Variants in ATF6B observed in about 807,000 individuals in gnomAD.
The protein encoded by ATF6B is activating transcription factor 6 beta, also known as cyclic AMP-dependent transcription factor ATF-6 beta.
A neutral mutation model predicts 83.5 loss-of-function variants in ATF6B; 50 were observed. The observed-to-expected ratio is 0.60, with a 90% CI of 0.48 to 0.76. The LOEUF is 0.76. ATF6B is among the 30% of genes least tolerant of loss of function. The pLI, the probability that ATF6B is intolerant of heterozygous loss-of-function variation, is 0.00. For missense variants in ATF6B, 790 were observed against 893.8 expected (o/e 0.88, Z 1.48); for synonymous variants, 344 against 362.8 (o/e 0.95, Z 0.59).
At chr6:32,122,789 C>A (rs1469139027) in intron 5 of ATF6B, among the ~76,000 whole-genome samples, 1 of 146,714 alleles carries the variant, frequency 6.8e-6, no homozygotes, top group African/African-American at 2.5e-5. Context: ...GCGGAGCTTG[C>A]AGTGAGCCGA....
At position 32,116,051 on chromosome 6, in the gene ATF6B, A is replaced by C. The variant is rs1781518414; in HGVS notation, c.1883-83T>G. 2 of 1,004,008 alleles carry C rather than the reference A, an allele frequency of 2.0e-6. No individual in the cohort carries two copies. The highest frequency in any genetic ancestry group is 3.0e-6 in the Non-Finnish European group (2 of 676,570). The allele number at this position is 1,004,008 out of a possible 1,614,324, so 62.2% of individuals were successfully genotyped here. On this transcript the variant is annotated intron_variant, in intron 17 of 17. Transcript: ENST00000375203. This position sits in a 1 kb window ranked among gnomAD's most constrained non-coding sequence, Gnocchi z 5.1. ...GAGGAGGGGAGGAGGTCAGAAAAGT[A>C]GAGGTGAGCAGAGAGAAAAAGAAAG...
At position 32,121,321 on chromosome 6, in the gene ATF6B, G is replaced by A. The variant is rs1781758471; in HGVS notation, c.506C>T (p.Ser169Phe). The A allele has an allele frequency of 1.1e-5, 18 of 1,614,106 alleles. No individual in the cohort carries two copies. Among genetic ancestry groups the A allele is most frequent in the Non-Finnish European group, 1.5e-5 (18 of 1,180,036 alleles). ...SDVQTKIEPV[S>F]PCSSVNSEAS... ...CTCAGAGTTGACGGAAGAACATGGA[G>A]AGACAGGTTCTATCTTGGTCTGGAC... The change falls in exon 6 of 18, where the codon TCT becomes TTT. Residue 169 changes from serine (S) to phenylalanine (F), a missense_variant. Physicochemically the swap from Ser to Phe is radical, Grantham distance 155. Around this residue, in one of 3 missense-constraint regions of ATF6B, gnomAD observed 253 missense variants for 243.1 expected, o/e 1.04. Coordinates refer to ENST00000375203, the MANE Select transcript of ATF6B (RefSeq NM_004381.5).
At chr6:32,120,454 CTT>C (rs1201008710) in intron 8 of ATF6B, 110 of 131,530 alleles carry the variant, frequency 8.4e-4, no homozygotes, top group East Asian at 1.7e-3. Flanking sequence ...TTTCTTTTTT[CTT>C]TTTTTTTTTT....
At chr6:32,126,044 C>T (rs1266379921) in intron 5 of ATF6B, 73 bp downstream of exon 5, 2 of 1,575,060 alleles carry the variant, frequency 1.3e-6, no homozygotes, top group Non-Finnish European at 1.7e-6. Context: ...CCTCCATCTA[C>T]ACACATACAC....
In ATF6B at chr6:32,118,545, G is replaced by A. The variant is rs528365775; in HGVS notation, c.1244+230C>T. 7.2e-5 allele frequency among the ~76,000 whole-genome samples: 11 copies of A among 152,280 alleles called. No homozygotes were observed. In the East Asian group the frequency reaches 1.5e-3, roughly 21 times the overall value. On this transcript the variant is annotated intron_variant, in intron 11 of 17. Coordinates refer to ENST00000375203, the MANE Select transcript of ATF6B (RefSeq NM_004381.5). This position sits in a 1 kb window ranked among gnomAD's most constrained non-coding sequence, Gnocchi z 5.2. The stretch of plus-strand genomic sequence containing the variant: ...CAGGAAGCAGAGGTTGCAGTGAGCC[G>A]AGATCGTGCCACTGCACTCCAGCCT...
rs1781480901 is a variant in ATF6B at position 32,115,534 on chromosome 6, T to A, written c.*205A>T. 1 of 462,134 alleles carries A rather than the reference T, an allele frequency of 2.2e-6. No homozygotes were observed. The highest frequency in any genetic ancestry group is 6.0e-5 in the South Asian group (1 of 16,562). 28.6% of individuals were successfully genotyped at this position (462,134 alleles called of 1,614,324 possible). A position where few individuals can be genotyped will look rare whatever the true frequency, so the allele number is the denominator to read the frequency against. Reference sequence around the variant, plus strand: ...CAAACAAAGAAGCCAGGACTGGGGGTTCACAGGAATGAGAGGAGCCCTATA... The same window carrying A: ...CAAACAAAGAAGCCAGGACTGGGGGATCACAGGAATGAGAGGAGCCCTATA... On this transcript the variant is annotated 3_prime_UTR_variant, in exon 18 of 18. Transcript: ENST00000375203.
chr6:32,120,984 A>G lies in ATF6B; in HGVS notation c.700+5T>C. The G allele has an allele frequency of 6.6e-7, 1 of 1,520,574 alleles. No homozygotes were observed. The highest frequency in any genetic ancestry group is 8.8e-7 in the Non-Finnish European group (1 of 1,135,554). 94.2% of individuals were successfully genotyped at this position (1,520,574 alleles called of 1,614,324 possible). ...GGGATTCCAAGTGTCAGGAGACTCC[A>G]TTACCTGAGGAGCCATCAAGGGATG... On this transcript the variant is annotated splice_donor_5th_base_variant and intron_variant, in intron 7 of 17. Transcript: ENST00000375203.
intron 5 of ATF6B, 33 bp downstream of exon 5, chr6:32,126,083 AG>A: frequency 6.2e-7 from 1 of 1,613,546 alleles, no homozygotes; most frequent in Non-Finnish European, 8.5e-7. Flanking sequence ...CTCCCGTAGT[AG>A]AGCCAAGGAT....
intron 4 of ATF6B, 102 bp downstream of exon 4, chr6:32,127,001 C>G (rs1782006484): frequency 9.1e-7 from 1 of 1,101,428 alleles, no homozygotes; most frequent in Non-Finnish European, 1.3e-6. Flanking sequence ...CCTCATGACT[C>G]ATAGCACACA....
chr6:32,122,553 A>C (rs538521886), intron 5 of ATF6B, among the ~76,000 whole-genome samples: 1 of 150,292 alleles, frequency 6.7e-6, no homozygotes, highest in South Asian at 2.1e-4. Context: ...AAATTAAGTC[A>C]AAAAAAAAAT....
intron 5 of ATF6B, among the ~76,000 whole-genome samples, chr6:32,124,807 A>G (rs1781901348): frequency 6.6e-6 from 1 of 151,694 alleles, no homozygotes; most frequent in South Asian, 2.1e-4. Context: ...GCCAATGTGG[A>G]TGAAATGTCC....
chr6:32,117,456 C>T lies in ATF6B; in HGVS notation c.1533-52G>A, dbSNP rs770838892. ...TCCATGCCAGGCCAAGATTCCCACCCTCCTTGCCCACCCACAGGAGTGAGG... is the reference window on the plus strand; with the variant it reads ...TCCATGCCAGGCCAAGATTCCCACCTTCCTTGCCCACCCACAGGAGTGAGG... On this transcript the variant is annotated intron_variant, in intron 13 of 17. Transcript: ENST00000375203. The surrounding 1 kb of genome is among the most constrained non-coding windows in gnomAD (Gnocchi z 5.0). 1.7e-5 allele frequency: 28 copies of T among 1,605,846 alleles called. No homozygotes were observed. The highest frequency in any genetic ancestry group is 5.3e-5 in the African/African-American group (4 of 74,808).
rs768090747 is a variant in ATF6B, at chr6:32,116,459, A to T, written c.1882+21T>A. 3.0e-5 allele frequency: 48 copies of T among 1,604,336 alleles called. No homozygotes were observed. The highest frequency in any genetic ancestry group is 3.9e-5 in the Non-Finnish European group (46 of 1,173,686). Reference sequence around the variant, plus strand: ...ATCTCCCTGTTGGAACTGCCCCCATACCCAGCAGGGAAAGAGTTACCATTG... The same window carrying T: ...ATCTCCCTGTTGGAACTGCCCCCATTCCCAGCAGGGAAAGAGTTACCATTG... On this transcript the variant is annotated intron_variant, in intron 17 of 17. Coordinates refer to ENST00000375203, the MANE Select transcript of ATF6B (RefSeq NM_004381.5). The surrounding 1 kb of genome is among the most constrained non-coding windows in gnomAD (Gnocchi z 5.1).
rs1781519411 is a variant in ATF6B, at chr6:32,116,075, A to G, written c.1883-107T>C. 1.2e-6 allele frequency: 1 copy of G among 810,944 alleles called. No homozygotes were observed. The highest frequency in any genetic ancestry group is 2.5e-5 in the Admixed American group (1 of 39,990). 50.2% of individuals were successfully genotyped at this position (810,944 alleles called of 1,614,324 possible). ...TAGAGGTGAGCAGAGAGAAAAAGAA[A>G]GGGCAATAGTGAGGAGGCAGATCCA... On this transcript the variant is annotated intron_variant, in intron 17 of 17. Transcript: ENST00000375203. The surrounding 1 kb of genome is among the most constrained non-coding windows in gnomAD (Gnocchi z 5.1).
chr6:32,118,075 T>A lies in ATF6B; in HGVS notation c.1245-37A>T. On this transcript the variant is annotated intron_variant, in intron 11 of 17. Transcript: ENST00000375203. The surrounding 1 kb of genome is among the most constrained non-coding windows in gnomAD (Gnocchi z 5.2). ...GAAGGACTGAGCACAATGAAGAATT[T>A]CAGCTGTATCAAGTATCTAGGTAAG... 1 of 1,612,536 alleles carries A rather than the reference T, an allele frequency of 6.2e-7. No homozygotes were observed. The highest frequency in any genetic ancestry group is 8.5e-7 in the Non-Finnish European group (1 of 1,178,804).
rs779089544 is a variant in ATF6B, at chr6:32,121,110, C to T, written c.579G>A (p.Glu193=). The T allele has an allele frequency of 6.3e-7, 1 of 1,576,218 alleles. No individual in the cohort carries two copies. Among genetic ancestry groups the T allele is most frequent in the South Asian group, 1.2e-5 (1 of 84,470 alleles). The change falls in exon 7 of 18, where the codon GAG becomes GAA. Residue 193 remains glutamate (E), a synonymous_variant. Coordinates refer to ENST00000375203, the MANE Select transcript of ATF6B (RefSeq NM_004381.5). ...ACTCTGTCTTCACTTCCAGGACCTCCTCTCCTATAAAAGCCTATGTGGGGC... is the reference window on the plus strand; with the variant it reads ...ACTCTGTCTTCACTTCCAGGACCTCTTCTCCTATAAAAGCCTATGTGGGGC... ...ADSSSQAFIG[E]EVLEVKTESL... is the part of the protein sequence containing the mutation.
At chr6:32,123,555 A>AT (rs1452659305) in intron 5 of ATF6B, among the ~76,000 whole-genome samples, 2 of 151,946 alleles carry the variant, frequency 1.3e-5, no homozygotes, top group African/African-American at 4.8e-5. Context: ...TGCCTGGCTA[A>AT]TTTTTTGTAT....
At position 32,127,181 on chromosome 6, in the gene ATF6B, C is replaced by T. The variant is rs1782016223; in HGVS notation, c.264G>A (p.Lys88=). Residue 88 remains lysine, a synonymous_variant, in exon 4 of 18, where the codon AAG becomes AAA. Transcript: ENST00000375203. ...AAGAGCAGGGGGAAGATGGCTCAGA[C>T]TTCACCTGAAGATCTGGAGGAAAGG... The part of the protein sequence containing the change: ...LLPIFPDLQV[K]SEPSSPCSSS... 1.2e-6 allele frequency: 2 copies of T among 1,610,648 alleles called. No individual in the cohort carries two copies. Among genetic ancestry groups the T allele is most frequent in the Admixed American group, 1.7e-5 (1 of 59,466 alleles).
Position 32,116,193 on chromosome 6 carries a change from C to T in ATF6B, c.1883-225G>A, listed in dbSNP as rs1013951339. Among the ~76,000 whole-genome samples the T allele has an allele frequency of 1.3e-5, 2 of 152,148 alleles. No individual in the cohort carries two copies. Among genetic ancestry groups the T allele is most frequent in the African/African-American group, 4.8e-5 (2 of 41,418 alleles). The stretch of plus-strand genomic sequence containing the variant: ...AAAGGGCATTGAGTGTGGGGTCACA[C>T]AGGAGAGGACATCAAGAGAAAAAAG... On this transcript the variant is annotated intron_variant, in intron 17 of 17. Transcript: ENST00000375203. The surrounding 1 kb of genome is among the most constrained non-coding windows in gnomAD (Gnocchi z 5.1).
Sources: allele counts gnomAD v4.1 joint callset (sites outside exome capture counted in the v4.1 genomes callset), GRCh38; gene constraint gnomAD v4.1.1; regional missense constraint gnomAD v4.1.1; non-coding constraint Gnocchi (gnomAD v3.1); transcripts MANE v1.5; gene names NCBI Gene and HGNC (gene_info 2026-07-23, HGNC 2026-07-21).